ROBO1: variants seen among roughly 807,000 people sequenced by gnomAD.
The protein encoded by ROBO1 is roundabout homolog 1.
A neutral mutation model predicts 195.9 loss-of-function variants in ROBO1; 149 were observed. The observed-to-expected ratio is 0.76, with a 90% CI of 0.67 to 0.87. The LOEUF (loss-of-function observed/expected upper bound fraction) is 0.87, where lower values mean the gene tolerates loss of function less well. ROBO1 is among the 40% of genes least tolerant of loss of function. The pLI is 0.00. For missense variants in ROBO1, 1,933 were observed against 2,068.3 expected (o/e 0.93, Z 1.27); for synonymous variants, 816 against 733.2 (o/e 1.11, Z -1.82).
At chr3:78,618,145 CTTT>C (rs1704241689) in intron 26 of ROBO1, 104 bp from the exon 27 acceptor site, 1 of 1,209,214 alleles carries the variant, frequency 8.3e-7, no homozygotes, top group African/African-American at 1.5e-5. Flanking sequence ...ACCTTTACTT[CTTT>C]TGAGCTCATA....
At chr3:79,333,663 ACACT>A (rs1443511583) in intron 2 of ROBO1, among the ~76,000 whole-genome samples, 2 of 152,074 alleles carry the variant, frequency 1.3e-5, no homozygotes, top group Non-Finnish European at 2.9e-5. Context: ...AGCACACCAA[ACACT>A]CACAGATCTC....
At chr3:79,507,307 G>T (rs1400970830) in intron 2 of ROBO1, among the ~76,000 whole-genome samples, 2 of 152,154 alleles carry the variant, frequency 1.3e-5, no homozygotes, top group African/African-American at 4.8e-5. Context: ...ACAACTCTAT[G>T]TGAGTCCCCG....
At chr3:78,960,160 C>T (rs74350423) in intron 3 of ROBO1, among the ~76,000 whole-genome samples, 5,409 of 151,950 alleles carry the variant, frequency 0.036, 153 homozygotes, top group African/African-American at 0.087. Flanking sequence ...ATGGGTGACA[C>T]GGCAAAATCC....
intron 3 of ROBO1, among the ~76,000 whole-genome samples, chr3:79,057,023 C>T (rs146852308): frequency 0.019 from 2,910 of 152,144 alleles, 93 homozygotes; most frequent in African/African-American, 0.065. Flanking sequence ...GGCAAATTCA[C>T]TTGGCTGATT....
intron 8 of ROBO1, among the ~76,000 whole-genome samples, chr3:78,698,720 T>C (rs1359346804): frequency 6.6e-6 from 1 of 152,196 alleles, no homozygotes; most frequent in Non-Finnish European, 1.5e-5. Flanking sequence ...AGCCCAGCTG[T>C]AGATGAGCTA....
chr3:79,304,698 T>A (rs2033139939), intron 2 of ROBO1, among the ~76,000 whole-genome samples: 2 of 152,228 alleles, frequency 1.3e-5, no homozygotes, highest in African/African-American at 4.8e-5. Flanking sequence ...GGCTGAGTAT[T>A]ACTCCATTAT....
At chr3:79,527,437 G>GA (rs1941478374) in intron 2 of ROBO1, among the ~76,000 whole-genome samples, 1 of 151,912 alleles carries the variant, frequency 6.6e-6, no homozygotes, top group Non-Finnish European at 1.5e-5. Flanking sequence ...ATGTACCACC[G>GA]AATCTAAAAT....
intron 4 of ROBO1, among the ~76,000 whole-genome samples, chr3:78,840,037 T>C (rs550581072): frequency 5.3e-4 from 80 of 152,332 alleles, no homozygotes; most frequent in South Asian, 1.4e-3. Context: ...GGACTGTGTC[T>C]TACCTGTCAA....
chr3:78,711,445 TTCCTTCCTTCCTTCCTTCC>T (rs2081740132), intron 8 of ROBO1, among the ~76,000 whole-genome samples: 1 of 105,272 alleles, frequency 9.5e-6, no homozygotes, highest in Non-Finnish European at 1.9e-5. Context: ...CTTTCTTTCC[TTCCTTCCTTCCTTCCTTCC>T]TTTTCTCTCT....
At chr3:79,372,625 G>C (rs936328256) in intron 2 of ROBO1, among the ~76,000 whole-genome samples, 1 of 151,904 alleles carries the variant, frequency 6.6e-6, no homozygotes, top group Non-Finnish European at 1.5e-5. Context: ...ACACACAAAA[G>C]AAGTCATGTG....
chr3:79,021,500 A>T (rs891212839), intron 3 of ROBO1, among the ~76,000 whole-genome samples: 1 of 152,144 alleles, frequency 6.6e-6, no homozygotes, highest in African/African-American at 2.4e-5. Context: ...TTGTTCCCCC[A>T]AATGGATCTC....
intron 24 of ROBO1, among the ~76,000 whole-genome samples, chr3:78,631,508 C>T (rs1705186924): frequency 6.6e-6 from 1 of 151,756 alleles, no homozygotes; most frequent in African/African-American, 2.4e-5. Context: ...AAATAAATAG[C>T]AAAAAAGCAA....
intron 4 of ROBO1, among the ~76,000 whole-genome samples, chr3:78,874,754 A>G (rs1366331915): frequency 6.6e-6 from 1 of 151,994 alleles, no homozygotes; most frequent in Admixed American, 6.6e-5. Context: ...ATTCTTTTCT[A>G]TAACAGATCA....
At chr3:79,504,046 G>C (rs79651880) in intron 2 of ROBO1, among the ~76,000 whole-genome samples, 10,799 of 152,038 alleles carry the variant, frequency 0.071, 570 homozygotes, top group East Asian at 0.19. Flanking sequence ...ACATGCAATA[G>C]TACTCTAAAA....
chr3:79,562,355 A>G (rs1249865352), intron 2 of ROBO1, among the ~76,000 whole-genome samples: 5 of 152,096 alleles, frequency 3.3e-5, no homozygotes, highest in Non-Finnish European at 7.4e-5. Context: ...AGAAAGCACA[A>G]ATATTTGGAT....
intron 1 of ROBO1, among the ~76,000 whole-genome samples, chr3:79,706,410 T>G (rs1947770940): frequency 6.6e-6 from 1 of 152,146 alleles, no homozygotes. Context: ...GGTCATGTTG[T>G]TTTTCATCTT....
intron 2 of ROBO1, among the ~76,000 whole-genome samples, chr3:79,405,641 T>C (rs2037517155): frequency 6.6e-6 from 1 of 152,208 alleles, no homozygotes; most frequent in Non-Finnish European, 1.5e-5. Flanking sequence ...ATTGCAAGAA[T>C]ATTTTCTCAC....
chr3:79,259,782 C>G (rs2082906179), intron 2 of ROBO1, among the ~76,000 whole-genome samples: 1 of 152,030 alleles, frequency 6.6e-6, no homozygotes, highest in Non-Finnish European at 1.5e-5. Flanking sequence ...CTCAAATTAC[C>G]CACTGTGTGT....
At chr3:79,215,600 G>C (rs1243230644) in intron 2 of ROBO1, among the ~76,000 whole-genome samples, 4 of 152,138 alleles carry the variant, frequency 2.6e-5, no homozygotes, top group Non-Finnish European at 4.4e-5. Flanking sequence ...CTCCTCAAGG[G>C]CCTGACAAGA....
Sources: gnomAD v4.1 joint callset for allele counts (sites outside exome capture counted in the v4.1 genomes callset) on GRCh38, gnomAD v4.1.1 for gene constraint, MANE v1.5 for transcripts, NCBI Gene and HGNC (gene_info 2026-07-23, HGNC 2026-07-21) for gene names.